ZNG1C: variants seen among roughly 807,000 people sequenced by gnomAD.
ZNG1C encodes zinc-regulated GTPase metalloprotein activator 1C.
At chr9:68,257,017 T>TTTTTTTTTTG in the ZNG1C span, 5 of 169,254 alleles carry the variant, frequency 3.0e-5, no homozygotes, top group Admixed American at 1.8e-4. Flanking sequence ...TCTTTCTTGG[T>TTTTTTTTTTG]TTTTTTTTTT....
chr9:68,256,014 C>T, the ZNG1C span, among the ~76,000 whole-genome samples: 1 of 152,162 alleles, frequency 6.6e-6, no homozygotes, highest in African/African-American at 2.4e-5. Flanking sequence ...ATCTTGTGGC[C>T]CTTGCTATAT....
the ZNG1C span, chr9:68,270,456 G>A: frequency 1.1e-6 from 1 of 870,324 alleles, no homozygotes; most frequent in Admixed American, 7.5e-5. Context: ...TATGAGGACT[G>A]AAGTTGGATT....
the ZNG1C span, among the ~76,000 whole-genome samples, chr9:68,278,471 G>A: frequency 4.1e-5 from 2 of 49,166 alleles, no homozygotes; most frequent in African/African-American, 6.4e-5. Flanking sequence ...TCTACACACT[G>A]CTTTGAATGT....
the ZNG1C span, among the ~76,000 whole-genome samples, chr9:68,296,569 GC>G: frequency 6.6e-6 from 1 of 152,282 alleles, no homozygotes; most frequent in African/African-American, 2.4e-5. Context: ...TCTGCTGTAA[GC>G]CTGTATGATT....
At chr9:68,293,168 C>CT in the ZNG1C span, among the ~76,000 whole-genome samples, 1 of 152,200 alleles carries the variant, frequency 6.6e-6, no homozygotes, top group African/African-American at 2.4e-5. Context: ...AAAAGGAACT[C>CT]TAAATCTTGA....
chr9:68,257,260 AC>A, the ZNG1C span, among the ~76,000 whole-genome samples: 3 of 122,534 alleles, frequency 2.4e-5, no homozygotes, highest in African/African-American at 9.3e-5. Flanking sequence ...CTGGTCTTGA[AC>A]CCCTGACTTC....
the ZNG1C span, among the ~76,000 whole-genome samples, chr9:68,281,202 T>A: frequency 6.6e-6 from 1 of 152,234 alleles, no homozygotes; most frequent in East Asian, 1.9e-4. Flanking sequence ...GGCTCGCGGA[T>A]GGAGCACGCA....
At chr9:68,267,572 CTT>C in the ZNG1C span, among the ~76,000 whole-genome samples, 1 of 57,406 alleles carries the variant, frequency 1.7e-5, no homozygotes, top group Non-Finnish European at 3.6e-5. Context: ...TGTTGGTAAA[CTT>C]TGCACAGTGC....
chr9:68,281,845 CT>C, the ZNG1C span, among the ~76,000 whole-genome samples: 1 of 151,602 alleles, frequency 6.6e-6, no homozygotes, highest in African/African-American at 2.4e-5. Context: ...ATTCCATTTT[CT>C]ACATATACCA....
the ZNG1C span, among the ~76,000 whole-genome samples, chr9:68,286,894 C>A: frequency 1.8e-5 from 2 of 113,848 alleles, no homozygotes; most frequent in Non-Finnish European, 1.8e-5. Flanking sequence ...GAGAGAAATA[C>A]AAGTCCTTGG....
At chr9:68,285,096 G>A in the ZNG1C span, among the ~76,000 whole-genome samples, 2 of 144,268 alleles carry the variant, frequency 1.4e-5, no homozygotes, top group African/African-American at 2.6e-5. Flanking sequence ...CACCACTATA[G>A]GGAAGGCCGT....
the ZNG1C span, among the ~76,000 whole-genome samples, chr9:68,247,020 G>T: frequency 6.7e-6 from 1 of 150,360 alleles, no homozygotes; most frequent in Non-Finnish European, 1.5e-5. Context: ...TTTTAGTAGA[G>T]ATGAGGTTTC....
At chr9:68,255,340 GC>G in the ZNG1C span, among the ~76,000 whole-genome samples, 1 of 138,140 alleles carries the variant, frequency 7.2e-6, no homozygotes, top group African/African-American at 2.8e-5. Flanking sequence ...CCCACTAGAT[GC>G]CAGTAGCATT....
chr9:68,281,358 T>C, the ZNG1C span, among the ~76,000 whole-genome samples: 1 of 150,654 alleles, frequency 6.6e-6, no homozygotes, highest in African/African-American at 2.4e-5. Context: ...TCTTGGCTCC[T>C]CTCTCCTCTC....
chr9:68,292,143 A>C, the ZNG1C span, among the ~76,000 whole-genome samples: 7 of 152,154 alleles, frequency 4.6e-5, no homozygotes, highest in Non-Finnish European at 8.8e-5. Context: ...AGAGTACTAC[A>C]TCAAGGGAAC....
chr9:68,244,628 A>G, the ZNG1C span, among the ~76,000 whole-genome samples: 1 of 139,002 alleles, frequency 7.2e-6, no homozygotes, highest in Non-Finnish European at 1.5e-5. Flanking sequence ...ATACAATTGA[A>G]CTACAATACT....
the ZNG1C span, among the ~76,000 whole-genome samples, chr9:68,293,148 C>CAAG: frequency 6.6e-6 from 1 of 152,052 alleles, no homozygotes; most frequent in African/African-American, 2.4e-5. Context: ...GCCACCAGTG[C>CAAG]AAGAATGCTA....
the ZNG1C span, among the ~76,000 whole-genome samples, chr9:68,247,291 C>G: frequency 6.6e-6 from 1 of 151,138 alleles, no homozygotes; most frequent in Non-Finnish European, 1.5e-5. Flanking sequence ...ACATACTAGT[C>G]GATTTAGAAA....
At chr9:68,299,263 G>A in the ZNG1C span, 1 of 1,512,566 alleles carries the variant, frequency 6.6e-7, no homozygotes, top group Non-Finnish European at 8.8e-7. Flanking sequence ...AGCTTGTTAG[G>A]ACTTTTGTTC....
Sources: allele counts gnomAD v4.1 joint callset (sites outside exome capture counted in the v4.1 genomes callset), GRCh38; gene constraint gnomAD v4.1.1; transcripts MANE v1.5; gene names NCBI Gene and HGNC (gene_info 2026-07-23, HGNC 2026-07-21).